ANKRD13C: variants seen among roughly 807,000 people sequenced by gnomAD.
The protein encoded by ANKRD13C is ankyrin repeat domain 13C.
Under a neutral mutation model 65.5 loss-of-function variants are expected in ANKRD13C, and 16 were observed. That is an observed-to-expected ratio of 0.24 (90% CI 0.17 to 0.37). The LOEUF (loss-of-function observed/expected upper bound fraction) is 0.37, where lower values mean the gene tolerates loss of function less well. Ranked by LOEUF, ANKRD13C falls within the 10% of genes least tolerant of loss-of-function variation. The pLI, the probability that ANKRD13C is intolerant of heterozygous loss-of-function variation, is 1.00. For synonymous variants in ANKRD13C, 235 were observed against 238.7 expected (o/e 0.98, Z 0.14); for missense variants, 503 against 655.9 (o/e 0.77, Z 2.55).
At chr1:70,345,626 T>C (rs1682494226) in intron 1 of ANKRD13C, among the ~76,000 whole-genome samples, 1 of 152,164 alleles carries the variant, frequency 6.6e-6, no homozygotes, top group African/African-American at 2.4e-5. Flanking sequence ...GTTGACATAT[T>C]TCACTGTACA....
rs192826645 is a variant in ANKRD13C at position 70,271,053 on chromosome 1, T to C, written c.1395-97A>G. On this transcript the variant is annotated intron_variant, in intron 11 of 12. Transcript: ENST00000370944. ...ATGCTTCAAACCTGGACAGTAGTAT[T>C]GACTTCCAGATACTAAGGATGAGTA... The C allele has an allele frequency of 1.0e-4, 73 of 698,368 alleles. No individual in the cohort carries two copies. The African/African-American group carries it at 1.3e-3, about 12-fold the overall frequency. The allele number at this position is 698,368 out of a possible 1,614,324, so 43.3% of individuals were successfully genotyped here.
At chr1:70,322,396 C>T (rs1343256670) in intron 3 of ANKRD13C, among the ~76,000 whole-genome samples, 1 of 151,926 alleles carries the variant, frequency 6.6e-6, no homozygotes, top group East Asian at 1.9e-4. Flanking sequence ...AATATAAGCA[C>T]CGAGCAATTA....
intron 1 of ANKRD13C, among the ~76,000 whole-genome samples, chr1:70,352,988 A>T (rs1682813244): frequency 6.6e-6 from 1 of 152,222 alleles, no homozygotes; most frequent in Non-Finnish European, 1.5e-5. Context: ...AGCTTATTTC[A>T]CAGGCAAATA....
intron 5 of ANKRD13C, among the ~76,000 whole-genome samples, chr1:70,312,809 G>T (rs1016799855): frequency 1.3e-5 from 2 of 151,952 alleles, no homozygotes; most frequent in African/African-American, 4.8e-5. Flanking sequence ...AAGGTCACTA[G>T]AATCAAATTT....
chr1:70,340,161 T>C lies in ANKRD13C; in HGVS notation c.431-4062A>G, dbSNP rs538164517. On this transcript the variant is annotated intron_variant, in intron 1 of 12. Transcript: ENST00000370944. Reference sequence around the variant, plus strand: ...CACGGTGCCTGGTCTATTAATTTTATTCATCTTTTCAAAGAACAAAGTGTT... The same window carrying C: ...CACGGTGCCTGGTCTATTAATTTTACTCATCTTTTCAAAGAACAAAGTGTT... Among the ~76,000 whole-genome samples, 5 of 152,276 alleles carry C rather than the reference T, an allele frequency of 3.3e-5. No homozygotes were observed. In the South Asian group the frequency reaches 8.3e-4, roughly 25 times the overall value.
At chr1:70,319,151 A>C (rs1284658004) in intron 3 of ANKRD13C, among the ~76,000 whole-genome samples, 1 of 152,202 alleles carries the variant, frequency 6.6e-6, no homozygotes, top group African/African-American at 2.4e-5. Context: ...AATAATAACA[A>C]GCCCTGCTTT....
At chr1:70,351,015 G>A (rs1210638658) in intron 1 of ANKRD13C, among the ~76,000 whole-genome samples, 4 of 152,250 alleles carry the variant, frequency 2.6e-5, no homozygotes, top group African/African-American at 9.6e-5. Flanking sequence ...ACAAAAATTA[G>A]CCAGGCATGG....
intron 3 of ANKRD13C, among the ~76,000 whole-genome samples, chr1:70,315,970 T>C (rs1286790880): frequency 1.3e-5 from 2 of 152,260 alleles, no homozygotes; most frequent in African/African-American, 4.8e-5. Flanking sequence ...TTTACCTAAC[T>C]GTGCCAAGAT....
intron 2 of ANKRD13C, among the ~76,000 whole-genome samples, chr1:70,331,028 T>C (rs574936042): frequency 5.5e-4 from 84 of 152,112 alleles, no homozygotes; most frequent in Non-Finnish European, 9.4e-4. Flanking sequence ...ACTAACGTTA[T>C]TCAGTAGGTT....
intron 3 of ANKRD13C, among the ~76,000 whole-genome samples, chr1:70,319,937 G>A (rs910375064): frequency 6.6e-6 from 1 of 152,032 alleles, no homozygotes; most frequent in African/African-American, 2.4e-5. Flanking sequence ...ACATCTAGTA[G>A]GTATTCAGAA....
rs184385868 is a variant in ANKRD13C at position 70,309,627 on chromosome 1, G to A, written c.710-3337C>T. ...TGTAGTCCCAGCTACTCGGAAGGCT[G>A]AGGCAGGAGAATGGCGTGAACCCAG... On this transcript the variant is annotated intron_variant, in intron 5 of 12. Transcript: ENST00000370944. 5.3e-3 allele frequency among the ~76,000 whole-genome samples: 798 copies of A among 149,674 alleles called. 11 individuals carry two copies. Among genetic ancestry groups the A allele is most frequent in the African/African-American group, 0.019 (773 of 41,142 alleles).
intron 9 of ANKRD13C, among the ~76,000 whole-genome samples, chr1:70,285,885 C>T (rs1337391401): frequency 6.6e-6 from 1 of 151,912 alleles, no homozygotes; most frequent in Non-Finnish European, 1.5e-5. Flanking sequence ...ACCACCGTGC[C>T]GGCCAAGTTA....
intron 6 of ANKRD13C, among the ~76,000 whole-genome samples, chr1:70,301,507 C>G (rs1324519042): frequency 6.6e-6 from 1 of 152,220 alleles, no homozygotes; most frequent in East Asian, 1.9e-4. Flanking sequence ...GCCTAACCAT[C>G]TGATACCAAA....
chr1:70,330,243 C>T (rs182276076), intron 2 of ANKRD13C, among the ~76,000 whole-genome samples: 1 of 152,134 alleles, frequency 6.6e-6, no homozygotes, highest in East Asian at 1.9e-4. Flanking sequence ...CTGTGAAAAA[C>T]GCAAATTATG....
At chr1:70,302,317 C>T (rs1288716801) in intron 6 of ANKRD13C, among the ~76,000 whole-genome samples, 6 of 125,956 alleles carry the variant, frequency 4.8e-5, no homozygotes, top group Non-Finnish European at 8.3e-5. Context: ...GGCGGGGGGG[C>T]GGGGGGCTGC....
At chr1:70,268,865 T>G (rs899624809) in intron 12 of ANKRD13C, among the ~76,000 whole-genome samples, 1 of 148,022 alleles carries the variant, frequency 6.8e-6, no homozygotes. Context: ...ATTTCCAAAA[T>G]TTTTTTTTGA....
chr1:70,354,009 T>C lies in ANKRD13C; in HGVS notation c.400A>G (p.Thr134Ala). 1 of 1,545,326 alleles carries C rather than the reference T, an allele frequency of 6.5e-7. No homozygotes were observed. The highest frequency in any genetic ancestry group is 8.7e-7 in the Non-Finnish European group (1 of 1,145,608). Residue 134 changes from threonine to alanine, a missense_variant, in exon 1 of 13, where the codon ACG becomes GCG. This residue lies in a region of ANKRD13C where 203 missense variants were observed against 177.6 expected (regional missense o/e 1.14). Coordinates refer to ENST00000370944, the MANE Select transcript of ANKRD13C (RefSeq NM_030816.5). Reference sequence around the variant, plus strand: ...TTATCTTTCTGCCCGATATTGTGCGTGCGGATGAGAGAGGAGAGTCTCCTC... The same window carrying C: ...TTATCTTTCTGCCCGATATTGTGCGCGCGGATGAGAGAGGAGAGTCTCCTC... ...DVRRLSSLIRTHNIGQKDNHG... is the reference protein window; with the variant it reads ...DVRRLSSLIRAHNIGQKDNHG...
chr1:70,264,158 G>T (rs557019964), intron 12 of ANKRD13C, among the ~76,000 whole-genome samples: 2 of 151,550 alleles, frequency 1.3e-5, no homozygotes, highest in Admixed American at 6.6e-5. Context: ...AATGTTTAGG[G>T]AAAAAAAAGA....
chr1:70,353,879 A>C, intron 1 of ANKRD13C, 100 bp downstream of exon 1: 1 of 1,391,400 alleles, frequency 7.2e-7, no homozygotes, highest in Non-Finnish European at 9.4e-7. Context: ...ATGGGCAAAA[A>C]GAAGAGTCTG....
Sources: allele counts gnomAD v4.1 joint callset (sites outside exome capture counted in the v4.1 genomes callset), GRCh38; gene constraint gnomAD v4.1.1; regional missense constraint gnomAD v4.1.1; transcripts MANE v1.5; gene names NCBI Gene and HGNC (gene_info 2026-07-23, HGNC 2026-07-21).